Variants in DIP2C observed in about 807,000 individuals in gnomAD.
DIP2C encodes the protein DIP2 acetate--CoA ligase C (putative).
DIP2C carries 33 observed loss-of-function variants against 192.4 expected under a neutral mutation model. That is an observed-to-expected ratio of 0.17 (90% CI 0.13 to 0.23). The LOEUF (loss-of-function observed/expected upper bound fraction) is 0.23, where lower values mean the gene tolerates loss of function less well. DIP2C is among the 10% of genes least tolerant of loss of function. The pLI is 1.00. For missense variants in DIP2C, 1,537 were observed against 2,110.1 expected (o/e 0.73, Z 5.32); for synonymous variants, 979 against 864.1 (o/e 1.13, Z -2.33).
chr10:555,198 TTTTTC>T (rs1848785197), intron 1 of DIP2C, among the ~76,000 whole-genome samples: 1 of 131,086 alleles, frequency 7.6e-6, no homozygotes, highest in Non-Finnish European at 1.5e-5. Flanking sequence ...TTATTTTTTT[TTTTTC>T]CCAAGCCATT....
intron 17 of DIP2C, among the ~76,000 whole-genome samples, chr10:371,290 C>G (rs1960922651): frequency 6.6e-6 from 1 of 152,176 alleles, no homozygotes. Flanking sequence ...TGAATCGTGT[C>G]CCCGCAAAAG....
intron 31 of DIP2C, among the ~76,000 whole-genome samples, chr10:315,227 A>C (rs1038994273): frequency 1.3e-5 from 2 of 152,212 alleles, no homozygotes; most frequent in Admixed American, 1.3e-4. Flanking sequence ...TCATATTTTT[A>C]AACAGTTAAT....
intron 17 of DIP2C, among the ~76,000 whole-genome samples, chr10:375,624 G>A (rs1321855302): frequency 6.6e-6 from 1 of 152,122 alleles, no homozygotes; most frequent in African/African-American, 2.4e-5. Context: ...CATAAGCCTT[G>A]CCCGCATAAC....
At chr10:352,922 G>C (rs979017300) in intron 24 of DIP2C, among the ~76,000 whole-genome samples, 1 of 152,088 alleles carries the variant, frequency 6.6e-6, no homozygotes, top group Non-Finnish European at 1.5e-5. Context: ...ACTTTTGCTT[G>C]CACTTTCCAT....
chr10:305,972 AAT>A (rs35830495), intron 32 of DIP2C, among the ~76,000 whole-genome samples: 2,771 of 146,320 alleles, frequency 0.019, 43 homozygotes, highest in Middle Eastern at 0.079. Context: ...AATGCAGACA[AAT>A]ATATATATAT....
chr10:342,393 C>T (rs1467883534), intron 28 of DIP2C, among the ~76,000 whole-genome samples: 3 of 152,150 alleles, frequency 2.0e-5, no homozygotes, highest in South Asian at 2.1e-4. Context: ...CTCCTGACCT[C>T]GTGATCCACC....
In DIP2C at chr10:533,745, C is replaced by T. The variant is rs79379141; in HGVS notation, c.86-47215G>A. On this transcript the variant is annotated intron_variant, in intron 1 of 36. Transcript: ENST00000280886. ...AGAACTCAAAGTCACCCCCTGCACA[C>T]GGAGATAAATGCGTATCTGCTTAGT... Among the ~76,000 whole-genome samples the T allele has an allele frequency of 1.3e-3, 200 of 152,020 alleles. 5 individuals carry two copies. In the East Asian group the frequency reaches 0.034, roughly 26 times the overall value.
intron 7 of DIP2C, among the ~76,000 whole-genome samples, chr10:414,739 G>GTGTGTGTGTATATATATATATATATA: frequency 1.2e-4 from 11 of 90,532 alleles, no homozygotes; most frequent in African/African-American, 2.2e-4. Context: ...GTGTGTGTGT[G>GTGTGTGTGTATATATATATATATATA]TACATATATA....
At chr10:388,915 G>C (rs1963215461) in intron 13 of DIP2C, among the ~76,000 whole-genome samples, 1 of 150,430 alleles carries the variant, frequency 6.6e-6, no homozygotes, top group Admixed American at 6.6e-5. Flanking sequence ...GGGGTCTCAA[G>C]GGGCCTTGGG....
intron 3 of DIP2C, among the ~76,000 whole-genome samples, chr10:451,135 T>C (rs1340314413): frequency 6.6e-6 from 1 of 152,000 alleles, no homozygotes; most frequent in East Asian, 1.9e-4. Context: ...CCCAGCCCTG[T>C]TCCTTCTACA....
chr10:384,029 G>A lies in DIP2C; in HGVS notation c.1874C>T (p.Pro625Leu), dbSNP rs1284434857. Residue 625 changes from proline to leucine, a missense_variant and splice_region_variant, in exon 16 of 37, where the codon CCC (proline) becomes CTC (leucine). Pro to Leu is a moderately conservative substitution (Grantham distance 98). This residue lies in a region of DIP2C where 677 missense variants were observed against 989.9 expected (regional missense o/e 0.68). Transcript: ENST00000280886. ...GAGATCACACGCTCCTCACTTACAG[G>A]GGTTCGCGCCGTCCGCCACTATCAG... Reference protein sequence around the residue: ...RMLIVADGANPWSISSCDAFL... With the variant: ...RMLIVADGANLWSISSCDAFL... The A allele has an allele frequency of 1.3e-6, 2 of 1,576,292 alleles. No individual in the cohort carries two copies. The highest frequency in any genetic ancestry group is 8.6e-7 in the Non-Finnish European group (1 of 1,167,676).
intron 1 of DIP2C, chr10:650,177 A>T (rs1302394463): frequency 1.4e-6 from 1 of 717,392 alleles, no homozygotes; most frequent in Non-Finnish European, 2.6e-6. Flanking sequence ...TCAACACTGG[A>T]GGTCCTGCGG....
chr10:525,611 C>CAAGTGA (rs2130836479), intron 1 of DIP2C, among the ~76,000 whole-genome samples: 1 of 152,298 alleles, frequency 6.6e-6, no homozygotes, highest in South Asian at 2.1e-4. Context: ...TCCTCATCTG[C>CAAGTGA]AAGTGAAAAT....
At chr10:297,010 A>C (rs944948012) in intron 32 of DIP2C, among the ~76,000 whole-genome samples, 2 of 151,944 alleles carry the variant, frequency 1.3e-5, no homozygotes, top group African/African-American at 4.8e-5. Flanking sequence ...CACGTTGTGC[A>C]CATGTACCCT....
At chr10:300,816 G>C (rs1382880991) in intron 32 of DIP2C, among the ~76,000 whole-genome samples, 3 of 149,490 alleles carry the variant, frequency 2.0e-5, no homozygotes, top group African/African-American at 7.4e-5. Context: ...GGGCGGCCCT[G>C]AGCGTGTGGA....
Position 541,439 on chromosome 10 carries a change from A to G in DIP2C, c.86-54909T>C, listed in dbSNP as rs1588424203. Among the ~76,000 whole-genome samples the G allele has an allele frequency of 2.1e-5, 3 of 141,130 alleles. No homozygotes were observed. The South Asian group carries it at 7.0e-4, about 33-fold the overall frequency. The allele number at this position is 141,130 out of a possible 152,430, so 92.6% of individuals were successfully genotyped here. ...ACATCGTGACCCTCCACCCGACCAC[A>G]CCCGTCTCTCCTGGACCCCCCCGAG... is the stretch of plus-strand genomic sequence containing the variant. On this transcript the variant is annotated intron_variant, in intron 1 of 36. Coordinates refer to ENST00000280886, the MANE Select transcript of DIP2C (RefSeq NM_014974.3).
chr10:686,496 C>T (rs1334184247), intron 1 of DIP2C, among the ~76,000 whole-genome samples: 1 of 152,220 alleles, frequency 6.6e-6, no homozygotes, highest in Non-Finnish European at 1.5e-5. Context: ...GTGTGGCCTC[C>T]TTACCTGCAT....
At chr10:316,766 CT>C (rs1417246714) in intron 31 of DIP2C, among the ~76,000 whole-genome samples, 5 of 152,348 alleles carry the variant, frequency 3.3e-5, no homozygotes, top group Admixed American at 1.3e-4. Flanking sequence ...ACTTTTAGGA[CT>C]CCCCTGGGAT....
intron 17 of DIP2C, among the ~76,000 whole-genome samples, chr10:370,667 AAACT>A (rs1347995050): frequency 1.3e-5 from 2 of 152,256 alleles, no homozygotes; most frequent in Admixed American, 6.5e-5. Flanking sequence ...ACATTCCTGA[AAACT>A]AACAATTCCT....
Sources: gnomAD v4.1 joint callset for allele counts (sites outside exome capture counted in the v4.1 genomes callset) on GRCh38, gnomAD v4.1.1 for gene constraint, gnomAD v4.1.1 regional missense constraint, MANE v1.5 for transcripts, NCBI Gene and HGNC (gene_info 2026-07-23, HGNC 2026-07-21) for gene names.